SORCS2: variants seen among roughly 807,000 people sequenced by gnomAD.
SORCS2 encodes the protein sortilin related VPS10 domain containing receptor 2.
SORCS2 carries 100 observed loss-of-function variants against 141.6 expected under a neutral mutation model. That is an observed-to-expected ratio of 0.71 (90% CI 0.60 to 0.83). The LOEUF is 0.83. Among genes scored for constraint, SORCS2 ranks in the 40% least tolerant of loss-of-function variants. The pLI, the probability that SORCS2 is intolerant of heterozygous loss-of-function variation, is 0.00. For synonymous variants in SORCS2, 789 were observed against 676.9 expected, an observed-to-expected ratio of 1.17 and a Z score of -2.57; for missense variants, 1,646 against 1,560.2, an observed-to-expected ratio of 1.05 and a Z score of -0.93.
chr4:7,730,902 C>G (rs953610748), intron 23 of SORCS2, among the ~76,000 whole-genome samples: 1 of 152,222 alleles, frequency 6.6e-6, no homozygotes, highest in Non-Finnish European at 1.5e-5. Context: ...AAAAATGAAC[C>G]AGAAGCTCAC....
intron 1 of SORCS2, among the ~76,000 whole-genome samples, chr4:7,288,587 GGAGAAGAGAGAGGAGAGAGGAGAGGGGA>G (rs1180621404): frequency 6.1e-5 from 9 of 148,706 alleles, no homozygotes; most frequent in Non-Finnish European, 1.3e-4. Context: ...GGTGGGAGGA[GGAGAAGAGAGAGGAGAGAGGAGAGGGGA>G]GAGAAGAGAG....
chr4:7,480,522 G>C (rs1161380402), intron 2 of SORCS2, among the ~76,000 whole-genome samples: 3 of 152,220 alleles, frequency 2.0e-5, no homozygotes, highest in Non-Finnish European at 4.4e-5. Flanking sequence ...GCTGTGTTCA[G>C]AACAGGCACC....
chr4:7,285,532 T>G (rs1716158486), intron 1 of SORCS2, among the ~76,000 whole-genome samples: 1 of 152,196 alleles, frequency 6.6e-6, no homozygotes, highest in Admixed American at 6.5e-5. Context: ...TGATTTTAAT[T>G]TTCCGGTGTT....
chr4:7,233,838 G>A lies in SORCS2; in HGVS notation c.480+40712G>A, dbSNP rs189197555. 2.8e-4 allele frequency among the ~76,000 whole-genome samples: 43 copies of A among 152,282 alleles called. 1 individual carries two copies. The highest frequency in any genetic ancestry group is 8.9e-4 in the African/African-American group (37 of 41,538). Reference sequence around the variant, plus strand: ...GCCGTGGTGCAAACATCAGAGGGTGGTGGGGAGGAGTCTGAGGTTTGCACT... The same window carrying A: ...GCCGTGGTGCAAACATCAGAGGGTGATGGGGAGGAGTCTGAGGTTTGCACT... On this transcript the variant is annotated intron_variant, in intron 1 of 26. Transcript: ENST00000507866. The surrounding 1 kb of genome is among the most constrained non-coding windows in gnomAD (Gnocchi z 4.5).
At chr4:7,316,235 CATCCATCCATCCATCCATG>C (rs2108933274) in intron 1 of SORCS2, among the ~76,000 whole-genome samples, 2 of 152,178 alleles carry the variant, frequency 1.3e-5, no homozygotes, top group South Asian at 4.2e-4. Flanking sequence ...TCCATCCATC[CATCCATCCATCCATCCATG>C]CATCCATTCG....
At chr4:7,602,965 C>A (rs1020782204) in intron 3 of SORCS2, among the ~76,000 whole-genome samples, 1 of 152,196 alleles carries the variant, frequency 6.6e-6, no homozygotes, top group Non-Finnish European at 1.5e-5. Context: ...GAGACCAGCC[C>A]GACCAACATG....
intron 1 of SORCS2, among the ~76,000 whole-genome samples, chr4:7,389,831 C>CGGTAG (rs370826600): frequency 6.6e-6 from 1 of 152,212 alleles, no homozygotes; most frequent in Non-Finnish European, 1.5e-5. Flanking sequence ...GTGCAGTCCG[C>CGGTAG]GGTAGTGAGA....
chr4:7,667,006 A>T, intron 7 of SORCS2, 118 bp from the exon 8 acceptor site: 1 of 887,586 alleles, frequency 1.1e-6, no homozygotes, highest in Non-Finnish European at 1.8e-6. Context: ...CAGAACAGGT[A>T]GAAGGAAAGT....
chr4:7,249,371 GA>G (rs1285426832), intron 1 of SORCS2, among the ~76,000 whole-genome samples: 5 of 151,984 alleles, frequency 3.3e-5, no homozygotes, highest in Non-Finnish European at 5.9e-5. Flanking sequence ...AGTGGAAGTG[GA>G]AAAAAAAGTG....
chr4:7,397,194 T>C lies in SORCS2; in HGVS notation c.548+839T>C, dbSNP rs1444288958. Among the ~76,000 whole-genome samples the C allele has an allele frequency of 2.0e-5, 3 of 152,240 alleles. No homozygotes were observed. In the South Asian group the frequency reaches 6.2e-4, roughly 32 times the overall value. ...ATCAGGACCTCGAGTTGGTTTATTTTCCATTTTTGGCTTTGCTTTTAGCTA... is the reference window on the plus strand; with the variant it reads ...ATCAGGACCTCGAGTTGGTTTATTTCCCATTTTTGGCTTTGCTTTTAGCTA... On this transcript the variant is annotated intron_variant, in intron 2 of 26. Coordinates refer to ENST00000507866, the MANE Select transcript of SORCS2 (RefSeq NM_020777.3).
chr4:7,713,498 C>G (rs975643133), intron 15 of SORCS2, among the ~76,000 whole-genome samples: 1 of 151,992 alleles, frequency 6.6e-6, no homozygotes, highest in African/African-American at 2.4e-5. Context: ...GTACAGGGAC[C>G]CTCTCAAAGG....
intron 1 of SORCS2, among the ~76,000 whole-genome samples, chr4:7,387,835 TAC>T (rs1723536863): frequency 2.2e-5 from 1 of 45,620 alleles, no homozygotes; most frequent in African/African-American, 1.3e-4. Context: ...CACATGCACA[TAC>T]ATACACATGC....
At chr4:7,560,301 T>C (rs1714443584) in intron 3 of SORCS2, among the ~76,000 whole-genome samples, 1 of 152,108 alleles carries the variant, frequency 6.6e-6, no homozygotes, top group Non-Finnish European at 1.5e-5. Flanking sequence ...CACTGTATTA[T>C]GGGGTGGGAT....
At chr4:7,430,525 C>T (rs1403552525) in intron 2 of SORCS2, 1 of 152,238 alleles carries the variant, frequency 6.6e-6, no homozygotes, top group Non-Finnish European at 1.5e-5. Flanking sequence ...CAGGCCTCCG[C>T]CTTACGATGG....
intron 3 of SORCS2, among the ~76,000 whole-genome samples, chr4:7,540,102 G>C (rs13151992): frequency 0.97 from 81,532 of 83,924 alleles, 39,635 homozygotes; most frequent in South Asian, 1. Context: ...CGCCCCCTTT[G>C]TGCTGTGGGG....
intron 2 of SORCS2, among the ~76,000 whole-genome samples, chr4:7,456,427 C>A (rs563709792): frequency 6.6e-6 from 1 of 152,182 alleles, no homozygotes; most frequent in Non-Finnish European, 1.5e-5. Flanking sequence ...GCCCATCCAC[C>A]TTTACATGCA....
chr4:7,370,768 G>A (rs1722199389), intron 1 of SORCS2, among the ~76,000 whole-genome samples: 1 of 152,190 alleles, frequency 6.6e-6, no homozygotes, highest in Admixed American at 6.5e-5. Flanking sequence ...GGAGGGACTG[G>A]GCCCCCTTTA....
intron 3 of SORCS2, among the ~76,000 whole-genome samples, chr4:7,618,865 C>G (rs540608521): frequency 3.5e-4 from 54 of 152,204 alleles, no homozygotes; most frequent in African/African-American, 1.1e-3. Flanking sequence ...CACAAACACA[C>G]ACACCACCGT....
At chr4:7,293,070 C>T (rs1017846443) in intron 1 of SORCS2, among the ~76,000 whole-genome samples, 3 of 151,928 alleles carry the variant, frequency 2.0e-5, no homozygotes, top group Admixed American at 1.3e-4. Flanking sequence ...TTGGGAGGCC[C>T]GAGGCGGGCG....
Sources: gnomAD v4.1 joint callset for allele counts (sites outside exome capture counted in the v4.1 genomes callset) on GRCh38, gnomAD v4.1.1 for gene constraint, Gnocchi (gnomAD v3.1) non-coding constraint, MANE v1.5 for transcripts, NCBI Gene and HGNC (gene_info 2026-07-23, HGNC 2026-07-21) for gene names.